ANKRD44: variants seen among roughly 807,000 people sequenced by gnomAD.
The protein encoded by ANKRD44 is serine/threonine-protein phosphatase 6 regulatory ankyrin repeat subunit B.
In ANKRD44, 35 loss-of-function variants were observed where a neutral mutation model predicts 116.0. That is an observed-to-expected ratio of 0.30 (90% CI 0.23 to 0.40). The LOEUF is 0.40. ANKRD44 is among the 10% of genes least tolerant of loss of function. ANKRD44 has a pLI of 1.00. For missense variants in ANKRD44, 1,014 were observed against 1,242.6 expected, an observed-to-expected ratio of 0.82 and a Z score of 2.77; for synonymous variants, 435 against 461.8, an observed-to-expected ratio of 0.94 and a Z score of 0.74.
At position 197,202,694 on chromosome 2, in the gene ANKRD44, C is replaced by T. The variant is rs1158370098; in HGVS notation, c.28-15588G>A. ...GGTCAGGTGAGCCTCCCCCATCAGC[C>T]TCCCAAATAGCTGGGACTACAGGTG... On this transcript the variant is annotated intron_variant, in intron 1 of 27. Transcript: ENST00000282272. Among the ~76,000 whole-genome samples, 3 of 152,230 alleles carry T rather than the reference C, an allele frequency of 2.0e-5. No individual in the cohort carries two copies. The East Asian group carries it at 5.8e-4, about 29-fold the overall frequency.
chr2:196,992,440 C>T (rs903237637), intron 27 of ANKRD44, among the ~76,000 whole-genome samples: 1 of 152,146 alleles, frequency 6.6e-6, no homozygotes, highest in Non-Finnish European at 1.5e-5. Flanking sequence ...TGCGCACCAA[C>T]CCAGGGCTCT....
chr2:197,136,511 G>C lies in ANKRD44; in HGVS notation c.261+81C>G. On this transcript the variant is annotated intron_variant, in intron 4 of 27. Transcript: ENST00000282272. ...AGAGGTAAAAGCCTTCTGCTTACCAGTAAGGATTCTTAATTCGCTAGCAAG... is the reference window on the plus strand; with the variant it reads ...AGAGGTAAAAGCCTTCTGCTTACCACTAAGGATTCTTAATTCGCTAGCAAG... 7 of 1,338,796 alleles carry C rather than the reference G, an allele frequency of 5.2e-6. No individual in the cohort carries two copies. In the Admixed American group the frequency reaches 1.2e-4, roughly 23 times the overall value. 82.9% of individuals were successfully genotyped at this position (1,338,796 alleles called of 1,614,324 possible).
intron 2 of ANKRD44, among the ~76,000 whole-genome samples, chr2:197,185,673 A>G (rs930299222): frequency 7.2e-5 from 11 of 152,222 alleles, no homozygotes; most frequent in Non-Finnish European, 1.5e-4. Context: ...TTTTTGTGTC[A>G]GGACCTTCCA....
intron 6 of ANKRD44, among the ~76,000 whole-genome samples, 171 bp from the exon 7 acceptor site, chr2:197,122,963 T>C (rs1350110072): frequency 6.6e-6 from 1 of 152,218 alleles, no homozygotes; most frequent in Non-Finnish European, 1.5e-5. Context: ...GAGTACCTCC[T>C]ATAGTCAGGC....
intron 3 of ANKRD44, among the ~76,000 whole-genome samples, chr2:197,145,449 C>A (rs2125424501): frequency 6.6e-6 from 1 of 152,314 alleles, no homozygotes; most frequent in South Asian, 2.1e-4. Flanking sequence ...ATTGCCAGGG[C>A]AACCAGCCAG....
chr2:197,298,028 T>C (rs545439295), intron 1 of ANKRD44, among the ~76,000 whole-genome samples: 3 of 152,180 alleles, frequency 2.0e-5, no homozygotes, highest in East Asian at 3.8e-4. Flanking sequence ...AAGAAGGATA[T>C]AGAAAGATTT....
rs994481215 is a variant in ANKRD44, at chr2:197,223,312, G to A, written c.28-36206C>T. ...TGACATCAGTAGTTATCAATCCCAT[G>A]TAGGTTTTTAAATATTTTCTGGATG... is the stretch of plus-strand genomic sequence containing the variant. On this transcript the variant is annotated intron_variant, in intron 1 of 27. Transcript: ENST00000282272. Among the ~76,000 whole-genome samples the A allele has an allele frequency of 2.0e-5, 3 of 152,132 alleles. No homozygotes were observed. The South Asian group carries it at 6.2e-4, about 32-fold the overall frequency.
chr2:197,140,902 ATACTTC>A (rs553554884), intron 3 of ANKRD44, among the ~76,000 whole-genome samples: 134 of 152,294 alleles, frequency 8.8e-4, no homozygotes, highest in African/African-American at 2.9e-3. Context: ...TATATCAATT[ATACTTC>A]AATAAAGCTG....
intron 10 of ANKRD44, chr2:197,099,485 C>A (rs183502218): frequency 9.7e-7 from 1 of 1,034,848 alleles, no homozygotes; most frequent in Admixed American, 5.0e-5. Context: ...TCTAAATTGG[C>A]TCAGTTAGGT....
chr2:197,194,698 T>A (rs563915525), intron 1 of ANKRD44, among the ~76,000 whole-genome samples: 6 of 152,212 alleles, frequency 3.9e-5, no homozygotes, highest in South Asian at 2.1e-4. Context: ...TACGTATGCA[T>A]ATATATTTAC....
intron 1 of ANKRD44, among the ~76,000 whole-genome samples, chr2:197,269,077 G>GTTTT (rs1553544734): frequency 8.0e-6 from 1 of 124,380 alleles, no homozygotes; most frequent in Non-Finnish European, 1.9e-5. Context: ...TGCTGGTAAT[G>GTTTT]TGTTTTTGTT....
chr2:197,214,356 T>A (rs919922840), intron 1 of ANKRD44, among the ~76,000 whole-genome samples: 1 of 151,960 alleles, frequency 6.6e-6, no homozygotes, highest in African/African-American at 2.4e-5. Flanking sequence ...AGTGACAATT[T>A]AAAAAAAACA....
At position 197,201,274 on chromosome 2, in the gene ANKRD44, C is replaced by T. The variant is rs2125661165; in HGVS notation, c.28-14168G>A. Among the ~76,000 whole-genome samples, 1 of 152,310 alleles carries T rather than the reference C, an allele frequency of 6.6e-6. No individual in the cohort carries two copies. The highest frequency in any genetic ancestry group is 2.1e-4 in the South Asian group (1 of 4,830). On this transcript the variant is annotated intron_variant, in intron 1 of 27. Coordinates refer to ENST00000282272, the MANE Select transcript of ANKRD44 (RefSeq NM_001195144.2). This position sits in a 1 kb window ranked among gnomAD's most constrained non-coding sequence, Gnocchi z 4.0. Reference sequence around the variant, plus strand: ...CGTGTGAAGACATAATCTTGACAGTCATATTACAGAAAATAAGGGAGTGAG... The same window carrying T: ...CGTGTGAAGACATAATCTTGACAGTTATATTACAGAAAATAAGGGAGTGAG...
intron 4 of ANKRD44, 112 bp downstream of exon 4, chr2:197,136,480 T>C (rs2079219063): frequency 1.0e-6 from 1 of 968,676 alleles, no homozygotes; most frequent in Non-Finnish European, 1.6e-6. Flanking sequence ...GTAACCCTCT[T>C]ACATTAGAGG....
chr2:197,040,013 A>C (rs1007476292), intron 16 of ANKRD44, among the ~76,000 whole-genome samples: 2 of 151,676 alleles, frequency 1.3e-5, no homozygotes, highest in Non-Finnish European at 2.9e-5. Context: ...CAGATCACGA[A>C]GTCAGGAGTT....
chr2:197,296,162 G>C (rs775258609), intron 1 of ANKRD44: 4 of 152,214 alleles, frequency 2.6e-5, no homozygotes, highest in Non-Finnish European at 5.9e-5. Context: ...AACCAGAGTT[G>C]TTGCAGGAAC....
intron 1 of ANKRD44, among the ~76,000 whole-genome samples, chr2:197,306,570 G>A (rs2084081056): frequency 6.6e-6 from 1 of 152,090 alleles, no homozygotes; most frequent in Admixed American, 6.6e-5. Context: ...TCTAAATAAA[G>A]CCTTTCTTTT....
chr2:197,209,284 G>T (rs1473044219), intron 1 of ANKRD44, among the ~76,000 whole-genome samples: 1 of 152,172 alleles, frequency 6.6e-6, no homozygotes, highest in Non-Finnish European at 1.5e-5. Context: ...AGATAATCAT[G>T]AAAAACAAGT....
intron 21 of ANKRD44, among the ~76,000 whole-genome samples, chr2:197,004,205 C>T (rs2076162725): frequency 6.6e-6 from 1 of 152,090 alleles, no homozygotes; most frequent in Non-Finnish European, 1.5e-5. Flanking sequence ...TGTTCATTGA[C>T]ATATTTCAAG....
Sources: allele counts gnomAD v4.1 joint callset (sites outside exome capture counted in the v4.1 genomes callset), GRCh38; gene constraint gnomAD v4.1.1; non-coding constraint Gnocchi (gnomAD v3.1); transcripts MANE v1.5; gene names NCBI Gene and HGNC (gene_info 2026-07-23, HGNC 2026-07-21).